CACNB2: variants seen among roughly 807,000 people sequenced by gnomAD.
CACNB2 encodes the protein voltage-dependent L-type calcium channel subunit beta-2.
Under a neutral mutation model 73.3 loss-of-function variants are expected in CACNB2, and 42 were observed. The observed-to-expected ratio is 0.57, with a 90% CI of 0.45 to 0.74. The LOEUF is 0.74. Ranked by LOEUF, CACNB2 falls within the 30% of genes least tolerant of loss-of-function variation. The pLI is 0.00. For missense variants in CACNB2, 940 were observed against 853.0 expected (o/e 1.10, Z -1.27); for synonymous variants, 348 against 310.3 (o/e 1.12, Z -1.28).
intron 2 of CACNB2, among the ~76,000 whole-genome samples, chr10:18,161,317 G>A (rs1373459551): frequency 6.6e-6 from 1 of 152,170 alleles, no homozygotes; most frequent in Non-Finnish European, 1.5e-5. Flanking sequence ...CTTAGTATCT[G>A]TAGAAAAGTG....
chr10:18,243,825 C>T (rs1588826098), intron 2 of CACNB2, among the ~76,000 whole-genome samples: 2 of 152,138 alleles, frequency 1.3e-5, no homozygotes, highest in East Asian at 1.9e-4. Flanking sequence ...ACTTTCCAAC[C>T]ACCAGAATCA....
rs59492615 is a variant in CACNB2 at position 18,499,617 on chromosome 10, GAAAAAAAAAAAAA to G, written c.456+1150_456+1162del. 3.0e-5 allele frequency among the ~76,000 whole-genome samples: 3 copies of G among 99,656 alleles called. No individual in the cohort carries two copies. The Admixed American group carries it at 3.4e-4, about 11-fold the overall frequency. The allele number at this position is 99,656 out of a possible 152,430, so 65.4% of individuals were successfully genotyped here. On this transcript the variant is annotated intron_variant, in intron 4 of 13. Coordinates refer to ENST00000324631, the MANE Select transcript of CACNB2 (RefSeq NM_201596.3). ...CGACAGAGTGAGATTCTGTCTCAAA[GAAAAAAAAAAAAA>G]AAAAAAAAAGAACCTAGAAGCCTGG...
chr10:18,353,815 T>A (rs1414911065), intron 2 of CACNB2, among the ~76,000 whole-genome samples: 1 of 152,264 alleles, frequency 6.6e-6, no homozygotes. Flanking sequence ...ATCTGTTTAG[T>A]CTGCTAACTC....
At chr10:18,493,934 T>C (rs2049616901) in intron 3 of CACNB2, among the ~76,000 whole-genome samples, 1 of 152,198 alleles carries the variant, frequency 6.6e-6, no homozygotes, top group African/African-American at 2.4e-5. Context: ...TTTAGAAATA[T>C]AGTTCCTGAA....
At chr10:18,194,457 A>G (rs546565392) in intron 2 of CACNB2, among the ~76,000 whole-genome samples, 2 of 152,226 alleles carry the variant, frequency 1.3e-5, no homozygotes, top group South Asian at 4.1e-4. Context: ...CTTCTAGAAG[A>G]TTCTGGACAT....
chr10:18,346,610 C>T (rs570530716), intron 2 of CACNB2, among the ~76,000 whole-genome samples: 262 of 150,506 alleles, frequency 1.7e-3, no homozygotes, highest in African/African-American at 5.9e-3. Context: ...GAGGGGAGCT[C>T]GGGGGGCACA....
At position 18,290,410 on chromosome 10, in the gene CACNB2, A is replaced by G. The variant is rs572860739; in HGVS notation, c.214-111514A>G. Among the ~76,000 whole-genome samples, 6 of 152,230 alleles carry G rather than the reference A, an allele frequency of 3.9e-5. No individual in the cohort carries two copies. The East Asian group carries it at 9.7e-4, about 25-fold the overall frequency. On this transcript the variant is annotated intron_variant, in intron 2 of 13. Coordinates refer to ENST00000324631, the MANE Select transcript of CACNB2 (RefSeq NM_201596.3). The stretch of plus-strand genomic sequence containing the variant: ...ATATATAAATGTCTTTGTGCATATA[A>G]TAGAAGCTCAAGAAAAGTGACATCC...
intron 2 of CACNB2, among the ~76,000 whole-genome samples, chr10:18,220,211 A>G (rs1315440855): frequency 0.03 from 1,224 of 41,306 alleles, 137 homozygotes; most frequent in East Asian, 0.088. Context: ...GTATATATAT[A>G]TATATATATA....
chr10:18,208,556 G>A (rs984068938), intron 2 of CACNB2, among the ~76,000 whole-genome samples: 1 of 152,070 alleles, frequency 6.6e-6, no homozygotes, highest in Admixed American at 6.6e-5. Context: ...AGGCTGCAGT[G>A]AGCCATGATC....
At chr10:18,502,069 G>A (rs985312659) in intron 5 of CACNB2, among the ~76,000 whole-genome samples, 3 of 152,230 alleles carry the variant, frequency 2.0e-5, no homozygotes, top group Admixed American at 6.5e-5. Flanking sequence ...AGCACTGGGA[G>A]GCCGAGGCAG....
chr10:18,293,335 C>A (rs2039144060), intron 2 of CACNB2, among the ~76,000 whole-genome samples: 1 of 152,102 alleles, frequency 6.6e-6, no homozygotes, highest in South Asian at 2.1e-4. Flanking sequence ...AGTTTCTTTC[C>A]CTCCTTATAC....
intron 2 of CACNB2, among the ~76,000 whole-genome samples, chr10:18,200,030 T>G (rs1564338425): frequency 6.6e-6 from 1 of 151,020 alleles, no homozygotes; most frequent in African/African-American, 2.4e-5. Context: ...TCAAGTAAGA[T>G]AATAGTGGCT....
Position 18,426,955 on chromosome 10 carries a change from A to ATTTTTTTTTTTTTTTTTTTTTTT in CACNB2, c.333+24929_333+24930insTTTTTTTTTTTTTTTTTTTTTTT, listed in dbSNP as rs551543429. 6.1e-5 allele frequency among the ~76,000 whole-genome samples: 5 copies of ATTTTTTTTTTTTTTTTTTTTTTT among 81,656 alleles called. 2 individuals are homozygous for ATTTTTTTTTTTTTTTTTTTTTTT. The highest frequency in any genetic ancestry group is 1.6e-4 in the African/African-American group (3 of 18,480). The allele number at this position is 81,656 out of a possible 152,430, so 53.6% of individuals were successfully genotyped here. The stretch of plus-strand genomic sequence containing the variant: ...ATTTTATCAAATGTCCCTTTTCTAC[A>ATTTTTTTTTTTTTTTTTTTTTTT]TTTTTTTTTTTTTTTTTGAGACTGA... On this transcript the variant is annotated intron_variant, in intron 3 of 13. Transcript: ENST00000324631.
intron 2 of CACNB2, among the ~76,000 whole-genome samples, chr10:18,263,786 A>G (rs1276682594): frequency 6.6e-6 from 1 of 152,324 alleles, no homozygotes; most frequent in East Asian, 1.9e-4. Flanking sequence ...CGTTACATTC[A>G]GATTCAAAAC....
At chr10:18,141,792 C>CGGGCT in intron 1 of CACNB2, among the ~76,000 whole-genome samples, 1 of 152,316 alleles carries the variant, frequency 6.6e-6, no homozygotes, top group Non-Finnish European at 1.5e-5. Flanking sequence ...CTCCTAGCTG[C>CGGGCT]GGGCTGGCTG....
At chr10:18,320,024 G>A (rs1264364057) in intron 2 of CACNB2, among the ~76,000 whole-genome samples, 1 of 152,004 alleles carries the variant, frequency 6.6e-6, no homozygotes, top group South Asian at 2.1e-4. Context: ...TTGCTCTTTG[G>A]CTCCTTCTGA....
At chr10:18,292,128 A>G (rs1031216571) in intron 2 of CACNB2, among the ~76,000 whole-genome samples, 4 of 152,300 alleles carry the variant, frequency 2.6e-5, no homozygotes, top group East Asian at 3.9e-4. Context: ...TTGAGTAAAG[A>G]TTGCCTAGAT....
At chr10:18,162,027 A>G (rs1448017715) in intron 2 of CACNB2, among the ~76,000 whole-genome samples, 3 of 152,202 alleles carry the variant, frequency 2.0e-5, no homozygotes. Flanking sequence ...TTGTACATAT[A>G]TGTGTGTCAG....
intron 2 of CACNB2, among the ~76,000 whole-genome samples, chr10:18,311,359 G>A (rs2039958142): frequency 1.3e-5 from 2 of 152,100 alleles, no homozygotes; most frequent in Admixed American, 1.3e-4. Context: ...GGCAGCTGCG[G>A]CTCCATGTAG....
Sources: gnomAD v4.1 joint callset for allele counts (sites outside exome capture counted in the v4.1 genomes callset) on GRCh38, gnomAD v4.1.1 for gene constraint, MANE v1.5 for transcripts, NCBI Gene and HGNC (gene_info 2026-07-23, HGNC 2026-07-21) for gene names.